Variants in KCNMB3 observed in about 807,000 individuals in gnomAD.
KCNMB3 encodes calcium-activated potassium channel subunit beta-3.
Under a neutral mutation model 11.9 loss-of-function variants are expected in KCNMB3, and 18 were observed. The observed-to-expected ratio is 1.51, with a 90% CI of 1.04 to 2.23. The LOEUF (loss-of-function observed/expected upper bound fraction) is 2.23, where lower values mean the gene tolerates loss of function less well. Ranked by LOEUF, KCNMB3 falls within the 30% of genes most tolerant of loss-of-function variation. The probability of loss-of-function intolerance (pLI) is 0.00; values close to 1 mark genes in which losing one functional copy is unlikely to be tolerated. For synonymous variants in KCNMB3, 78 were observed against 119.2 expected, an observed-to-expected ratio of 0.65 and a Z score of 2.25; for missense variants, 247 against 329.4, an observed-to-expected ratio of 0.75 and a Z score of 1.94.
chr3:179,249,922 T>C (rs1169603601), intron 1 of KCNMB3, among the ~76,000 whole-genome samples: 1 of 152,118 alleles, frequency 6.6e-6, no homozygotes, highest in Non-Finnish European at 1.5e-5. Flanking sequence ...GAATAGCTAA[T>C]GCATGCTGGG....
At chr3:179,261,436 G>A (rs371328474) in intron 1 of KCNMB3, among the ~76,000 whole-genome samples, 3 of 151,970 alleles carry the variant, frequency 2.0e-5, no homozygotes, top group East Asian at 3.9e-4. Context: ...CCAGCCCGCC[G>A]GGGAGCGGCT....
downstream of KCNMB3, chr3:179,242,751 T>A: frequency 8.4e-7 from 1 of 1,190,442 alleles, no homozygotes; most frequent in Non-Finnish European, 1.1e-6. Flanking sequence ...ATAAATAGAA[T>A]ACAAAATGAG....
Position 179,245,517 on chromosome 3 carries a change from G to T in KCNMB3, c.249-824C>A, listed in dbSNP as rs188017683. ...TGCTGTACTGAATTAATTTTTTTGG[G>T]GGGGGGGATGGAGTTTCGCTCTTGT... is the stretch of plus-strand genomic sequence containing the variant. On this transcript the variant is annotated intron_variant, in intron 1 of 2. Transcript: ENST00000392685. Among the ~76,000 whole-genome samples, 594 of 149,860 alleles carry T rather than the reference G, an allele frequency of 4.0e-3. 9 individuals carry two copies. Among genetic ancestry groups the T allele is most frequent in the East Asian group, 0.025 (127 of 5,146 alleles).
At chr3:179,253,252 C>A (rs998606880), upstream of KCNMB3, among the ~76,000 whole-genome samples, 10 of 152,112 alleles carry the variant, frequency 6.6e-5, no homozygotes, top group African/African-American at 2.4e-4. Context: ...TGAGGTCGCT[C>A]TTCTAATGCA....
intron 1 of KCNMB3, among the ~76,000 whole-genome samples, chr3:179,256,754 A>T (rs546120737): frequency 2.0e-5 from 3 of 152,310 alleles, no homozygotes; most frequent in Admixed American, 2.0e-4. Flanking sequence ...AAGAGGGAAA[A>T]ACTCATGAAA....
intron 1 of KCNMB3, among the ~76,000 whole-genome samples, chr3:179,264,007 T>C (rs544342569): frequency 2.0e-5 from 3 of 152,140 alleles, no homozygotes; most frequent in South Asian, 2.1e-4. Flanking sequence ...GTTTTCACCA[T>C]GTTGGCCAGG....
At chr3:179,263,121 G>A (rs2108459271) in intron 1 of KCNMB3, among the ~76,000 whole-genome samples, 1 of 152,358 alleles carries the variant, frequency 6.6e-6, no homozygotes, top group South Asian at 2.1e-4. Context: ...TCATCAGGGA[G>A]GCTCGGGCGG....
chr3:179,251,294 T>A (rs1026634202), upstream of KCNMB3: 126 of 1,447,356 alleles, frequency 8.7e-5, no homozygotes, highest in Non-Finnish European at 1.1e-4. Context: ...AAAATTTGTT[T>A]ACATTCTCCT....
intron 1 of KCNMB3, chr3:179,260,231 G>A (rs575429986): frequency 1.9e-6 from 3 of 1,613,890 alleles, no homozygotes; most frequent in Middle Eastern, 1.6e-4. Context: ...ATGGCTCAAG[G>A]GGAGTTCTGG....
rs1725657200 is a variant in KCNMB3 at position 179,246,760 on chromosome 3, A to C, written c.249-2067T>G. Among the ~76,000 whole-genome samples, 7 of 152,360 alleles carry C rather than the reference A, an allele frequency of 4.6e-5. 1 individual carries two copies. In the South Asian group the frequency reaches 1.4e-3, roughly 32 times the overall value. ...TATCTGTTAGAACTTAAGCTCTCTA[A>C]ATCTTGACCGAGTACTGAACTGAGT... is the stretch of plus-strand genomic sequence containing the variant. On this transcript the variant is annotated intron_variant, in intron 1 of 2. Coordinates refer to ENST00000392685, the MANE Select transcript of KCNMB3 (RefSeq NM_171830.2).
exon 1 of KCNMB3, chr3:179,266,776 G>A: frequency 1.3e-6 from 2 of 1,597,760 alleles, no homozygotes; most frequent in East Asian, 4.5e-5. Context: ...CGCAAGAAAG[G>A]TGAAGCTTAG....
chr3:179,247,650 C>T (rs1413275060), intron 1 of KCNMB3, among the ~76,000 whole-genome samples: 21 of 152,108 alleles, frequency 1.4e-4, no homozygotes, highest in Admixed American at 1.1e-3. Flanking sequence ...AGACTCCTGG[C>T]GTCCATTAAA....
rs369815460 is a variant in KCNMB3 at position 179,259,007 on chromosome 3, G to A, written c.62+7642C>T. The A allele has an allele frequency of 1.9e-5, 31 of 1,613,970 alleles. No homozygotes were observed. Among genetic ancestry groups the A allele is most frequent in the Admixed American group, 1.7e-4 (10 of 59,988 alleles). On this transcript the variant is annotated intron_variant, in intron 1 of 3. Coordinates refer to the KCNMB3 transcript ENST00000349697. ...AGACTTCCTGTGCACCACGCCTGCC[G>A]CCTGCCTCAGCTTAGGACATGGTAC...
chr3:179,259,349 A>C, intron 1 of KCNMB3: 10 of 1,564,258 alleles, frequency 6.4e-6, no homozygotes, highest in Non-Finnish European at 8.6e-6. Context: ...CTTTTGCAAC[A>C]CCTTCATCTA....
At chr3:179,264,640 A>G (rs1726317570) in intron 1 of KCNMB3, among the ~76,000 whole-genome samples, 1 of 152,154 alleles carries the variant, frequency 6.6e-6, no homozygotes, top group African/African-American at 2.4e-5. Flanking sequence ...CTCAATTACA[A>G]ACAGCCTGAA....
chr3:179,262,338 G>A (rs777749721), intron 1 of KCNMB3, among the ~76,000 whole-genome samples: 7 of 152,164 alleles, frequency 4.6e-5, no homozygotes, highest in Non-Finnish European at 8.8e-5. Context: ...GAATGAAGCC[G>A]CGGACCTTCG....
chr3:179,266,871 G>C (rs1726384982), exon 1 of KCNMB3: 3 of 1,430,700 alleles, frequency 2.1e-6, no homozygotes, highest in African/African-American at 1.4e-5. Context: ...TTCCTGGAGA[G>C]GTGAGAACTT....
chr3:179,251,867 G>A (rs970696134), upstream of KCNMB3, among the ~76,000 whole-genome samples: 1 of 151,968 alleles, frequency 6.6e-6, no homozygotes, highest in South Asian at 2.1e-4. Flanking sequence ...GATTACAGGC[G>A]CCGGCCACCA....
intron 1 of KCNMB3, chr3:179,260,133 G>C: frequency 6.2e-7 from 1 of 1,606,092 alleles, no homozygotes; most frequent in Non-Finnish European, 8.5e-7. Context: ...TGAGGCCACT[G>C]TGTCTGCCTG....
Sources: allele counts gnomAD v4.1 joint callset (sites outside exome capture counted in the v4.1 genomes callset), GRCh38; gene constraint gnomAD v4.1.1; transcripts MANE v1.5; gene names NCBI Gene and HGNC (gene_info 2026-07-23, HGNC 2026-07-21).